E2F2: variants seen among roughly 807,000 people sequenced by gnomAD.
The protein encoded by E2F2 is transcription factor E2F2.
A neutral mutation model predicts 42.2 loss-of-function variants in E2F2; 22 were observed. That is an observed-to-expected ratio of 0.52 (90% CI 0.37 to 0.74). The LOEUF (loss-of-function observed/expected upper bound fraction) is 0.74. E2F2 is among the 30% of genes least tolerant of loss of function. The pLI is 0.00. For synonymous variants in E2F2, 248 were observed against 251.6 expected, an observed-to-expected ratio of 0.99 and a Z score of 0.13; for missense variants, 481 against 557.8, an observed-to-expected ratio of 0.86 and a Z score of 1.39.
At chr1:23,511,801 G>A (rs1642914324) in intron 6 of E2F2, among the ~76,000 whole-genome samples, 1 of 152,008 alleles carries the variant, frequency 6.6e-6, no homozygotes, top group Admixed American at 6.6e-5. Flanking sequence ...TCTTGCTCTG[G>A]ACTTCACGTT....
At position 23,530,600 on chromosome 1, in the gene E2F2, G is replaced by A. The variant is rs1181509469; in HGVS notation, c.194C>T (p.Ala65Val). The change falls in exon 1 of 7, where the codon GCC becomes GTC. Residue 65 changes from alanine (A) to valine (V), a missense_variant. Ala to Val is a moderately conservative substitution (Grantham distance 64). Transcript: ENST00000361729. The surrounding 1 kb of genome is among the most constrained non-coding windows in gnomAD (Gnocchi z 4.4). ...PAAAPGTCLDATPHGPEGQVV... is the reference protein window; with the variant it reads ...PAAAPGTCLDVTPHGPEGQVV... The stretch of plus-strand genomic sequence containing the variant: ...TTGGCCCTCGGGTCCGTGGGGAGTG[G>A]CGTCGAGGCAGGTGCCTGGCGCCGC... 1.2e-6 allele frequency: 2 copies of A among 1,613,038 alleles called. No individual in the cohort carries two copies. The highest frequency in any genetic ancestry group is 2.7e-5 in the African/African-American group (2 of 74,934).
Position 23,521,023 on chromosome 1 carries a change from C to T in E2F2, c.627G>A (p.Gln209=). 1 of 1,613,740 alleles carries T rather than the reference C, an allele frequency of 6.2e-7. No individual in the cohort carries two copies. The highest frequency in any genetic ancestry group is 8.5e-7 in the Non-Finnish European group (1 of 1,179,766). The change falls in exon 4 of 7, where the codon CAG becomes CAA. Residue 209 remains glutamine (Q), a synonymous_variant. Transcript: ENST00000361729. ...EDPTRPGKQQ[Q]LGQELKELMN... ...TCAGCTCCTTCAGCTCCTGCCCCAG[C>T]TGTTGCTGCTTCCCAGGTCTGGTGG...
At chr1:23,521,425 G>T in intron 3 of E2F2, 1 of 445,216 alleles carries the variant, frequency 2.2e-6, no homozygotes, top group Non-Finnish European at 3.0e-6. Context: ...AATGGAGAGA[G>T]GAGGCTGGAG....
At chr1:23,511,723 C>T (rs1642912546) in intron 6 of E2F2, among the ~76,000 whole-genome samples, 1 of 152,210 alleles carries the variant, frequency 6.6e-6, no homozygotes, top group South Asian at 2.1e-4. Flanking sequence ...CCTGTTGAGA[C>T]TGGTGGTGCA....
intron 2 of E2F2, among the ~76,000 whole-genome samples, chr1:23,523,786 G>A (rs542776645): frequency 2.0e-5 from 3 of 152,206 alleles, no homozygotes; most frequent in South Asian, 4.1e-4. Flanking sequence ...GAAGTAGTGC[G>A]AGACTGGCCA....
intron 1 of E2F2, among the ~76,000 whole-genome samples, chr1:23,528,091 C>G (rs1643279733): frequency 6.6e-6 from 1 of 152,224 alleles, no homozygotes; most frequent in Non-Finnish European, 1.5e-5. Flanking sequence ...GCAAGCCAGC[C>G]TGGGCAGAGC....
intron 6 of E2F2, 119 bp downstream of exon 6, chr1:23,516,216 G>A: frequency 7.7e-7 from 1 of 1,303,942 alleles, no homozygotes; most frequent in South Asian, 1.9e-5. Context: ...TGTGGGGTAG[G>A]ATGACTACAT....
intron 3 of E2F2, 70 bp from the exon 4 acceptor site, chr1:23,521,141 G>C: frequency 6.9e-7 from 1 of 1,443,782 alleles, no homozygotes; most frequent in Non-Finnish European, 9.2e-7. Context: ...TCAAAAAATA[G>C]TCTATGAGGG....
chr1:23,514,986 G>A (rs1048104195), intron 6 of E2F2, among the ~76,000 whole-genome samples: 2 of 152,260 alleles, frequency 1.3e-5, no homozygotes, highest in East Asian at 3.9e-4. Context: ...AAGCAGGTCA[G>A]ATTTGACCTG....
chr1:23,518,729 G>A (rs911547442), intron 5 of E2F2, among the ~76,000 whole-genome samples: 3 of 152,148 alleles, frequency 2.0e-5, no homozygotes, highest in Non-Finnish European at 4.4e-5. Flanking sequence ...TATTGACACC[G>A]TCATACGTGG....
chr1:23,521,681 T>G, intron 3 of E2F2, 156 bp downstream of exon 3: 5 of 985,430 alleles, frequency 5.1e-6, no homozygotes, highest in Non-Finnish European at 6.0e-6. Context: ...GCAATAAGCC[T>G]ATTGGATGTT....
At chr1:23,527,632 C>T (rs1379239097) in intron 1 of E2F2, among the ~76,000 whole-genome samples, 1 of 152,198 alleles carries the variant, frequency 6.6e-6, no homozygotes, top group African/African-American at 2.4e-5. Context: ...CTCTCCTAAG[C>T]CCTAAGTCAG....
chr1:23,513,512 T>C (rs1362666170), intron 6 of E2F2, among the ~76,000 whole-genome samples: 1 of 151,870 alleles, frequency 6.6e-6, no homozygotes, highest in Non-Finnish European at 1.5e-5. Flanking sequence ...TTACATGGCT[T>C]CTGGCACTCA....
intron 4 of E2F2, among the ~76,000 whole-genome samples, chr1:23,520,540 T>TA (rs1055008434): frequency 6.6e-6 from 1 of 151,992 alleles, no homozygotes; most frequent in Non-Finnish European, 1.5e-5. Flanking sequence ...AGCCAAGAGT[T>TA]AGAGACCAGC....
At chr1:23,526,428 A>G (rs546027261) in intron 1 of E2F2, among the ~76,000 whole-genome samples, 1 of 152,114 alleles carries the variant, frequency 6.6e-6, no homozygotes, top group South Asian at 2.1e-4. Context: ...TATATCCCCC[A>G]GCAGGAGCAC....
intron 6 of E2F2, 65 bp downstream of exon 6, chr1:23,516,268 GAT>G: frequency 1.4e-6 from 2 of 1,403,550 alleles, no homozygotes; most frequent in Non-Finnish European, 1.9e-6. Flanking sequence ...AACAAACATT[GAT>G]ATAGAAGAGA....
At chr1:23,511,081 C>T (rs1261817184) in intron 6 of E2F2, among the ~76,000 whole-genome samples, 1 of 152,114 alleles carries the variant, frequency 6.6e-6, no homozygotes, top group African/African-American at 2.4e-5. Flanking sequence ...TTACTATTCT[C>T]TCTTCAACTC....
intron 2 of E2F2, 58 bp from the exon 3 acceptor site, chr1:23,522,114 T>G (rs1643163311): frequency 6.5e-7 from 1 of 1,531,848 alleles, no homozygotes. Context: ...CCCAGGACCC[T>G]CGTCCATTGA....
rs780774375 is a variant in E2F2 at position 23,516,438 on chromosome 1, G to A, written c.942C>T (p.Ser314=). ...PEEVQEPDSP[S]EEPLPSTSTL... ...TGGAGGTAGAGGGGAGAGGCTCCTC[G>A]GAAGGACTGTCCGGCTCCTGCACCT... Residue 314 remains serine (S), a synonymous_variant, in exon 6 of 7, where the codon TCC becomes TCT. Coordinates refer to ENST00000361729, the MANE Select transcript of E2F2 (RefSeq NM_004091.4). 24 of 1,605,948 alleles carry A rather than the reference G, an allele frequency of 1.5e-5. No homozygotes were observed. The East Asian group carries it at 3.9e-4, about 26-fold the overall frequency.
Sources: gnomAD v4.1 joint callset for allele counts (sites outside exome capture counted in the v4.1 genomes callset) on GRCh38, gnomAD v4.1.1 for gene constraint, Gnocchi (gnomAD v3.1) non-coding constraint, MANE v1.5 for transcripts, NCBI Gene and HGNC (gene_info 2026-07-23, HGNC 2026-07-21) for gene names.